Variants in ZMAT4 observed in about 807,000 individuals in gnomAD.
ZMAT4 encodes zinc finger matrin-type 4.
In ZMAT4, 17 loss-of-function variants were observed where a neutral mutation model predicts 28.7. That is an observed-to-expected ratio of 0.59 (90% CI 0.41 to 0.89). The LOEUF (loss-of-function observed/expected upper bound fraction) is 0.89. Among genes scored for constraint, ZMAT4 ranks in the 40% least tolerant of loss-of-function variants. The pLI is 0.00. For synonymous variants in ZMAT4, 117 were observed against 109.2 expected, an observed-to-expected ratio of 1.07 and a Z score of -0.44; for missense variants, 240 against 283.8, an observed-to-expected ratio of 0.85 and a Z score of 1.11.
chr8:40,604,885 C>A (rs1294465895), intron 5 of ZMAT4, among the ~76,000 whole-genome samples: 1 of 152,076 alleles, frequency 6.6e-6, no homozygotes, highest in Non-Finnish European at 1.5e-5. Context: ...TGTTTATTAC[C>A]ACTTCAGGCT....
intron 4 of ZMAT4, among the ~76,000 whole-genome samples, chr8:40,685,206 C>T (rs1809349221): frequency 2.0e-5 from 3 of 152,138 alleles, no homozygotes; most frequent in African/African-American, 7.2e-5. Flanking sequence ...TGGGGCTACT[C>T]TGCTCCATCA....
intron 5 of ZMAT4, among the ~76,000 whole-genome samples, chr8:40,630,100 A>C (rs1901372): frequency 0.56 from 85,104 of 151,468 alleles, 25,027 homozygotes; most frequent in East Asian, 0.69. Context: ...TACTTATGCT[A>C]GTTCCTCTAC....
intron 4 of ZMAT4, among the ~76,000 whole-genome samples, chr8:40,692,978 G>C (rs1049015147): frequency 1.3e-5 from 2 of 152,140 alleles, no homozygotes; most frequent in African/African-American, 4.8e-5. Flanking sequence ...TACCGGGTTA[G>C]TGTCCCCTCA....
At chr8:40,639,486 T>C (rs74982500) in intron 5 of ZMAT4, among the ~76,000 whole-genome samples, 1,619 of 152,270 alleles carry the variant, frequency 0.011, 25 homozygotes, top group African/African-American at 0.037. Context: ...GATATTTTCC[T>C]AACAATTCTT....
intron 1 of ZMAT4, among the ~76,000 whole-genome samples, chr8:40,849,318 G>A (rs370462896): frequency 6.6e-6 from 1 of 152,164 alleles, no homozygotes; most frequent in African/African-American, 2.4e-5. Flanking sequence ...CAGAAAAACA[G>A]GCTTCCCTTC....
chr8:40,692,552 ATCTTGT>A (rs1187723991), intron 4 of ZMAT4, among the ~76,000 whole-genome samples: 1 of 152,190 alleles, frequency 6.6e-6, no homozygotes, highest in Non-Finnish European at 1.5e-5. Context: ...GCTCTCTTCC[ATCTTGT>A]AGCCAGGTCT....
chr8:40,868,327 A>G (rs918348333), intron 1 of ZMAT4, among the ~76,000 whole-genome samples: 2 of 152,166 alleles, frequency 1.3e-5, no homozygotes, highest in African/African-American at 4.8e-5. Flanking sequence ...TATAAGGAAA[A>G]CAAGCCATTC....
intron 5 of ZMAT4, among the ~76,000 whole-genome samples, chr8:40,653,932 A>T (rs1807801133): frequency 6.6e-6 from 1 of 152,202 alleles, no homozygotes; most frequent in African/African-American, 2.4e-5. Flanking sequence ...CATATAAATG[A>T]GCCAAAGATG....
intron 5 of ZMAT4, among the ~76,000 whole-genome samples, chr8:40,661,420 C>T (rs902291094): frequency 2.6e-5 from 4 of 152,136 alleles, no homozygotes; most frequent in African/African-American, 9.7e-5. Flanking sequence ...AAATATTAGT[C>T]AAAATGAGAT....
chr8:40,808,260 A>ATT (rs75523860), intron 2 of ZMAT4, among the ~76,000 whole-genome samples: 6 of 151,760 alleles, frequency 4.0e-5, no homozygotes, highest in African/African-American at 7.3e-5. Flanking sequence ...TAAGAAAATA[A>ATT]TTTTTTTTCT....
intron 3 of ZMAT4, among the ~76,000 whole-genome samples, chr8:40,725,455 G>T (rs530463417): frequency 6.6e-5 from 10 of 152,142 alleles, no homozygotes; most frequent in Admixed American, 3.9e-4. Context: ...AAAATGTCTC[G>T]AGATGGCATG....
intron 6 of ZMAT4, among the ~76,000 whole-genome samples, chr8:40,571,834 C>T (rs1288972497): frequency 6.6e-6 from 1 of 151,982 alleles, no homozygotes; most frequent in Non-Finnish European, 1.5e-5. Context: ...TTCTTATGGC[C>T]TGTTATCTCA....
chr8:40,861,434 T>A lies in ZMAT4; in HGVS notation c.-4-35754A>T, dbSNP rs549038093. On this transcript the variant is annotated intron_variant, in intron 1 of 6. Transcript: ENST00000297737. Reference sequence around the variant, plus strand: ...ATACAAAAATTAATTCAAGATGGATTAAAGACTTAAATGTTAGACCTAAAA... The same window carrying A: ...ATACAAAAATTAATTCAAGATGGATAAAAGACTTAAATGTTAGACCTAAAA... 3.9e-5 allele frequency among the ~76,000 whole-genome samples: 6 copies of A among 152,318 alleles called. No individual in the cohort carries two copies. The East Asian group carries it at 1.2e-3, about 29-fold the overall frequency.
chr8:40,770,639 C>A (rs1813352105), intron 2 of ZMAT4, among the ~76,000 whole-genome samples: 1 of 151,036 alleles, frequency 6.6e-6, no homozygotes, highest in African/African-American at 2.4e-5. Context: ...CCTCCACCTC[C>A]CAGGTTCAAG....
At chr8:40,614,516 AC>A (rs1805924430) in intron 5 of ZMAT4, among the ~76,000 whole-genome samples, 1 of 152,108 alleles carries the variant, frequency 6.6e-6, no homozygotes, top group African/African-American at 2.4e-5. Context: ...TCTAATGTTG[AC>A]AGTGGGGTGT....
intron 3 of ZMAT4, among the ~76,000 whole-genome samples, chr8:40,701,246 A>G (rs1317561507): frequency 6.6e-6 from 1 of 152,194 alleles, no homozygotes; most frequent in Non-Finnish European, 1.5e-5. Context: ...TAAAAATAAT[A>G]GAAGAGGAAA....
chr8:40,615,360 T>C (rs533184729), intron 5 of ZMAT4, among the ~76,000 whole-genome samples: 2 of 152,186 alleles, frequency 1.3e-5, no homozygotes, highest in African/African-American at 4.8e-5. Context: ...CCCTTAAGAT[T>C]TTTTACCTCA....
chr8:40,601,861 G>C (rs1389791817), intron 5 of ZMAT4, among the ~76,000 whole-genome samples: 1 of 152,110 alleles, frequency 6.6e-6, no homozygotes, highest in African/African-American at 2.4e-5. Context: ...AGATGTTTTT[G>C]TTTTTATTGA....
chr8:40,867,052 C>T (rs1038637832), intron 1 of ZMAT4, among the ~76,000 whole-genome samples: 1 of 152,154 alleles, frequency 6.6e-6, no homozygotes, highest in Non-Finnish European at 1.5e-5. Flanking sequence ...TCTCTTTTCA[C>T]CATCTCTACA....
Sources: gnomAD v4.1 joint callset for allele counts (sites outside exome capture counted in the v4.1 genomes callset) on GRCh38, gnomAD v4.1.1 for gene constraint, MANE v1.5 for transcripts, NCBI Gene and HGNC (gene_info 2026-07-23, HGNC 2026-07-21) for gene names.